Variants in CHN2 observed in about 807,000 individuals in gnomAD.
CHN2 encodes the protein chimerin 2.
In CHN2, 35 loss-of-function variants were observed where a neutral mutation model predicts 56.3. The ratio of observed to expected loss-of-function variants is 0.62; its 90% CI spans 0.47 to 0.82. CHN2 has a LOEUF of 0.82. Among genes scored for constraint, CHN2 ranks in the 40% least tolerant of loss-of-function variants. The pLI is 0.00. For synonymous variants in CHN2, 210 were observed against 212.8 expected, an observed-to-expected ratio of 0.99 and a Z score of 0.12; for missense variants, 491 against 580.5, an observed-to-expected ratio of 0.85 and a Z score of 1.58.
intron 1 of CHN2, among the ~76,000 whole-genome samples, chr7:29,244,318 A>G (rs1409760603): frequency 6.6e-6 from 1 of 152,214 alleles, no homozygotes; most frequent in African/African-American, 2.4e-5. Flanking sequence ...GTCTAAGACC[A>G]TGAAGCATAC....
chr7:29,400,306 A>T (rs1562577021), intron 5 of CHN2: 1 of 558,550 alleles, frequency 1.8e-6, no homozygotes, highest in East Asian at 3.1e-5. Flanking sequence ...AGTCATATAA[A>T]CTCAAGCAGG....
chr7:29,310,224 A>G (rs1470664253), intron 1 of CHN2, among the ~76,000 whole-genome samples: 1 of 152,256 alleles, frequency 6.6e-6, no homozygotes, highest in East Asian at 1.9e-4. Flanking sequence ...GAAACAACTT[A>G]TACATTCACA....
At chr7:29,256,512 A>G (rs927812868) in intron 1 of CHN2, among the ~76,000 whole-genome samples, 1 of 152,360 alleles carries the variant, frequency 6.6e-6, no homozygotes, top group Non-Finnish European at 1.5e-5. Context: ...TATGCAGTGC[A>G]GCTTGCCTAT....
intron 7 of CHN2, among the ~76,000 whole-genome samples, chr7:29,483,063 C>T (rs1320413841): frequency 6.6e-6 from 1 of 151,846 alleles, no homozygotes; most frequent in Non-Finnish European, 1.5e-5. Context: ...CCTCGTGATC[C>T]GCCCGTCTCG....
intron 6 of CHN2, among the ~76,000 whole-genome samples, chr7:29,416,560 G>C (rs957147848): frequency 2.0e-5 from 3 of 152,132 alleles, no homozygotes; most frequent in Non-Finnish European, 4.4e-5. Flanking sequence ...CAGAGTTCCA[G>C]GCCCTCTCCC....
At chr7:29,366,819 T>C (rs1037640806) in intron 2 of CHN2, among the ~76,000 whole-genome samples, 1 of 152,184 alleles carries the variant, frequency 6.6e-6, no homozygotes, top group Non-Finnish European at 1.5e-5. Context: ...GGTAAGAAAA[T>C]AACCACATTC....
chr7:29,210,333 TC>T (rs1273779784), intron 1 of CHN2, among the ~76,000 whole-genome samples: 3 of 152,136 alleles, frequency 2.0e-5, no homozygotes, highest in African/African-American at 7.2e-5. Context: ...CCAGAGGTAG[TC>T]CAAGTATGCT....
At chr7:29,329,450 C>G (rs1315588763) in intron 1 of CHN2, among the ~76,000 whole-genome samples, 2 of 146,994 alleles carry the variant, frequency 1.4e-5, no homozygotes, top group African/African-American at 5.1e-5. Flanking sequence ...ATGGGCCAAC[C>G]AGAGATTTTT....
chr7:29,455,131 T>C (rs1784658879), intron 6 of CHN2, among the ~76,000 whole-genome samples: 1 of 152,096 alleles, frequency 6.6e-6, no homozygotes, highest in Admixed American at 6.5e-5. Context: ...ACGGATGTAA[T>C]GTTACTGAGT....
In CHN2 at chr7:29,212,205, T is replaced by C. The variant is rs575157068; in HGVS notation, c.49+17215T>C. Reference sequence around the variant, plus strand: ...TTGATACTTTTGCTTCTGGAAGTCATATTTCTCTAACATCTTCCAGAAAAG... The same window carrying C: ...TTGATACTTTTGCTTCTGGAAGTCACATTTCTCTAACATCTTCCAGAAAAG... On this transcript the variant is annotated intron_variant, in intron 1 of 12. Coordinates refer to ENST00000222792, the MANE Select transcript of CHN2 (RefSeq NM_004067.4). 68 of 636,040 alleles carry C rather than the reference T, an allele frequency of 1.1e-4. No homozygotes were observed. In the South Asian group the frequency reaches 1.3e-3, roughly 12 times the overall value. The allele number at this position is 636,040 out of a possible 1,614,324, so 39.4% of individuals were successfully genotyped here.
At chr7:29,249,595 CCGCT>C (rs1788330650) in intron 1 of CHN2, among the ~76,000 whole-genome samples, 1 of 152,214 alleles carries the variant, frequency 6.6e-6, no homozygotes, top group South Asian at 2.1e-4. Context: ...CCGTCACAAC[CCGCT>C]AGGTTGTCCT....
chr7:29,426,928 C>T (rs931293210), intron 6 of CHN2, among the ~76,000 whole-genome samples: 6 of 152,216 alleles, frequency 3.9e-5, no homozygotes, highest in African/African-American at 1.4e-4. Context: ...TCCGTCATCA[C>T]GTCCATCTGC....
intron 2 of CHN2, among the ~76,000 whole-genome samples, chr7:29,184,820 A>G (rs140698473): frequency 1.3e-5 from 2 of 152,328 alleles, no homozygotes; most frequent in Non-Finnish European, 2.9e-5. Context: ...ATTAAGCATC[A>G]CACCTGAGTT....
chr7:29,289,847 C>A (rs1208000275), intron 1 of CHN2, among the ~76,000 whole-genome samples: 1 of 152,216 alleles, frequency 6.6e-6, no homozygotes, highest in Non-Finnish European at 1.5e-5. Context: ...AGAACTGAAG[C>A]TTTCTCCCCT....
intron 1 of CHN2, among the ~76,000 whole-genome samples, chr7:29,281,312 C>T (rs544386246): frequency 6.6e-6 from 1 of 152,116 alleles, no homozygotes; most frequent in Non-Finnish European, 1.5e-5. Flanking sequence ...ATTCACTATT[C>T]TGTGCCTTGC....
chr7:29,404,846 C>T (rs903853115), intron 6 of CHN2, among the ~76,000 whole-genome samples: 3 of 151,940 alleles, frequency 2.0e-5, no homozygotes, highest in Non-Finnish European at 4.4e-5. Flanking sequence ...ATTACAGGTA[C>T]GAGCCACCGC....
At chr7:29,264,805 T>C (rs1357990718) in intron 1 of CHN2, among the ~76,000 whole-genome samples, 1 of 68,682 alleles carries the variant, frequency 1.5e-5, no homozygotes, top group African/African-American at 6.3e-5. Context: ...GGGTGATCAA[T>C]AAATACTAAA....
intron 1 of CHN2, among the ~76,000 whole-genome samples, chr7:29,297,312 G>A (rs78304355): frequency 0.017 from 2,567 of 152,216 alleles, 76 homozygotes; most frequent in African/African-American, 0.058. Flanking sequence ...CTTTACACCT[G>A]GCTGTCTCAT....
At chr7:29,422,209 T>G (rs902697845) in intron 6 of CHN2, among the ~76,000 whole-genome samples, 16 of 152,204 alleles carry the variant, frequency 1.1e-4, no homozygotes, top group African/African-American at 3.9e-4. Flanking sequence ...GCACTTTTTA[T>G]TATAATGGAT....
Sources: allele counts gnomAD v4.1 joint callset (sites outside exome capture counted in the v4.1 genomes callset), GRCh38; gene constraint gnomAD v4.1.1; transcripts MANE v1.5; gene names NCBI Gene and HGNC (gene_info 2026-07-23, HGNC 2026-07-21).